SCRG1: variants seen among roughly 807,000 people sequenced by gnomAD.
SCRG1 encodes scrapie-responsive protein 1.
Under a neutral mutation model 7.7 loss-of-function variants are expected in SCRG1, and 3 were observed. The ratio of observed to expected loss-of-function variants is 0.39; its 90% confidence interval spans 0.18 to 1.01. The LOEUF (loss-of-function observed/expected upper bound fraction) is 1.01, where lower values mean the gene tolerates loss of function less well. Ranked by LOEUF, SCRG1 falls within the 50% of genes least tolerant of loss-of-function variation. The pLI, the probability that SCRG1 is intolerant of heterozygous loss-of-function variation, is 0.36. For missense variants in SCRG1, 110 were observed against 117.2 expected (o/e 0.94, Z 0.28); for synonymous variants, 46 against 41.2 (o/e 1.12, Z -0.44).
the SCRG1 span, among the ~76,000 whole-genome samples, chr4:173,516,016 G>T: frequency 8.2e-3 from 1,244 of 152,204 alleles, 17 homozygotes; most frequent in African/African-American, 0.028. Flanking sequence ...AACCCAAGGG[G>T]CCCAACTGGG....
upstream of SCRG1, among the ~76,000 whole-genome samples, chr4:173,402,221 C>A (rs1739780409): frequency 6.6e-6 from 1 of 152,014 alleles, no homozygotes; most frequent in Non-Finnish European, 1.5e-5. Flanking sequence ...ATATGTCCAG[C>A]TATGTATTTT....
At chr4:173,431,127 T>C in the SCRG1 span, among the ~76,000 whole-genome samples, 205 of 152,214 alleles carry the variant, frequency 1.3e-3, no homozygotes, top group African/African-American at 4.6e-3. Flanking sequence ...TAAAATAATT[T>C]TTAAAAAGAA....
At chr4:173,416,560 G>A in the SCRG1 span, among the ~76,000 whole-genome samples, 1 of 152,248 alleles carries the variant, frequency 6.6e-6, no homozygotes, top group Non-Finnish European at 1.5e-5. Flanking sequence ...GCAGGCTGCA[G>A]GGAGCTATGA....
chr4:173,510,656 C>T, the SCRG1 span, among the ~76,000 whole-genome samples: 7 of 152,112 alleles, frequency 4.6e-5, no homozygotes, highest in African/African-American at 1.4e-4. The surrounding 1 kb of genome is among the most constrained non-coding windows in gnomAD (Gnocchi z 5.7). Flanking sequence ...CCTGGGATTC[C>T]CTGTGAATCC....
the SCRG1 span, among the ~76,000 whole-genome samples, chr4:173,424,402 T>G: frequency 6.6e-6 from 1 of 152,350 alleles, no homozygotes; most frequent in African/African-American, 2.4e-5. Context: ...TACCATTGTG[T>G]GTCAACATGT....
the SCRG1 span, among the ~76,000 whole-genome samples, chr4:173,485,853 C>T: frequency 5.9e-5 from 9 of 152,124 alleles, no homozygotes; most frequent in South Asian, 1.9e-3. Flanking sequence ...ACCTGTAATC[C>T]CAGCTACTCG....
At chr4:173,517,788 A>G in the SCRG1 span, among the ~76,000 whole-genome samples, 1 of 152,260 alleles carries the variant, frequency 6.6e-6, no homozygotes, top group East Asian at 1.9e-4. Flanking sequence ...GCGTAGCCAC[A>G]AAAGAGCCTG....
the SCRG1 span, among the ~76,000 whole-genome samples, chr4:173,445,486 G>A: frequency 2.0e-5 from 3 of 151,452 alleles, no homozygotes; most frequent in African/African-American, 4.8e-5. Context: ...GGAGGCTGAG[G>A]CAGGAGAATC....
chr4:173,449,307 G>C, the SCRG1 span, among the ~76,000 whole-genome samples: 2 of 152,258 alleles, frequency 1.3e-5, no homozygotes, highest in Non-Finnish European at 2.9e-5. Context: ...CCTGAGATTT[G>C]TCACTGTCAT....
upstream of SCRG1, among the ~76,000 whole-genome samples, chr4:173,402,015 G>A (rs1739773961): frequency 1.3e-5 from 2 of 152,082 alleles, no homozygotes; most frequent in African/African-American, 4.8e-5. Context: ...CCTGTAAATG[G>A]AGCCTTAAGG....
At chr4:173,518,638 C>CATCTGG in the SCRG1 span, among the ~76,000 whole-genome samples, 20 of 152,144 alleles carry the variant, frequency 1.3e-4, no homozygotes, top group Non-Finnish European at 2.1e-4. Context: ...CAGAACCTGC[C>CATCTGG]GAGCCCCTGC....
chr4:173,477,578 G>C, the SCRG1 span, among the ~76,000 whole-genome samples: 3 of 152,232 alleles, frequency 2.0e-5, no homozygotes, highest in Non-Finnish European at 2.9e-5. Context: ...GGGAGTGGAG[G>C]AAGGAAAGTG....
Position 173,385,285 on chromosome 4 carries a change from A to G in SCRG1, c.*3056T>C, listed in dbSNP as rs1442612066. 3 of 152,206 alleles carry G rather than the reference A, an allele frequency of 2.0e-5. No individual in the cohort carries two copies. The highest frequency in any genetic ancestry group is 3.9e-4 in the East Asian group (2 of 5,192). 9.4% of individuals were successfully genotyped at this position (152,206 alleles called of 1,614,324 possible). On this transcript the variant is annotated 3_prime_UTR_variant, in exon 3 of 3. Transcript: ENST00000296506. The stretch of plus-strand genomic sequence containing the variant: ...GGAGTTGGAGACCAGCCTGTCCAAC[A>G]TGGCAAAACCTCATTTCTACTAAAA...
chr4:173,482,784 C>T, the SCRG1 span, among the ~76,000 whole-genome samples: 1 of 150,536 alleles, frequency 6.6e-6, no homozygotes, highest in Non-Finnish European at 1.5e-5. Context: ...TGCCACTGGA[C>T]TCCAGCCTGG....
the SCRG1 span, among the ~76,000 whole-genome samples, chr4:173,436,817 C>T: frequency 0.97 from 147,385 of 152,176 alleles, 71,528 homozygotes; most frequent in East Asian, 1. Flanking sequence ...TTCGTGTAGA[C>T]ACTACAACTG....
chr4:173,477,742 CCTTCCTTCCTTCCTTCCTTCCTTCCTT>C, the SCRG1 span, among the ~76,000 whole-genome samples: 1 of 147,394 alleles, frequency 6.8e-6, no homozygotes, highest in Non-Finnish European at 1.5e-5. Flanking sequence ...TTCCTTCCTT[CCTTCCTTCCTTCCTTCCTTCCTTCCTT>C]CTTTCCTTCC....
the SCRG1 span, among the ~76,000 whole-genome samples, chr4:173,509,138 C>CT: frequency 6.6e-6 from 1 of 152,154 alleles, no homozygotes; most frequent in African/African-American, 2.4e-5. This position sits in a 1 kb window ranked among gnomAD's most constrained non-coding sequence, Gnocchi z 5.7. Flanking sequence ...GCCGTCCTCC[C>CT]TCTTGTTTTC....
upstream of SCRG1, among the ~76,000 whole-genome samples, chr4:173,401,490 G>A (rs370193549): frequency 6.6e-6 from 1 of 152,220 alleles, no homozygotes; most frequent in Non-Finnish European, 1.5e-5. Context: ...TCTTTACTCT[G>A]TTTTACTCTT....
the SCRG1 span, among the ~76,000 whole-genome samples, chr4:173,483,808 T>C: frequency 9.8e-6 from 1 of 101,622 alleles, no homozygotes; most frequent in Admixed American, 1.4e-4. Flanking sequence ...TGATATATGA[T>C]ATGTAATATA....
Sources: allele counts gnomAD v4.1 joint callset (sites outside exome capture counted in the v4.1 genomes callset), GRCh38; gene constraint gnomAD v4.1.1; non-coding constraint Gnocchi (gnomAD v3.1); transcripts MANE v1.5; gene names NCBI Gene and HGNC (gene_info 2026-07-23, HGNC 2026-07-21).